Variants in ARPC2 observed in about 807,000 individuals in gnomAD.
ARPC2 encodes actin-related protein 2/3 complex subunit 2.
Under a neutral mutation model 38.6 loss-of-function variants are expected in ARPC2, and 4 were observed. That is an observed-to-expected ratio of 0.10 (90% confidence interval 0.05 to 0.24). The LOEUF (loss-of-function observed/expected upper bound fraction) is 0.24. Among genes scored for constraint, ARPC2 ranks in the 10% least tolerant of loss-of-function variants. The pLI is 1.00. For synonymous variants in ARPC2, 125 were observed against 140.8 expected (o/e 0.89, Z 0.79); for missense variants, 229 against 387.3 (o/e 0.59, Z 3.43).
intron 10 of ARPC2, 124 bp from the exon 11 acceptor site, chr2:218,253,767 A>C: frequency 8.0e-7 from 1 of 1,251,764 alleles, no homozygotes; most frequent in South Asian, 1.6e-5. Context: ...GCCTCTGCTT[A>C]AGGAATCTAG....
chr2:218,227,588 G>A lies in ARPC2; in HGVS notation c.110-1150G>A, dbSNP rs201556113. On this transcript the variant is annotated intron_variant, in intron 3 of 10. Transcript: ENST00000315717. ...ACTACAGATCTCCACCACCACACCC[G>A]GCTAATTTTTTTTTTTTTTCCAGAC... 3.3e-5 allele frequency among the ~76,000 whole-genome samples: 5 copies of A among 150,424 alleles called. No individual in the cohort carries two copies. In the East Asian group the frequency reaches 7.8e-4, roughly 23 times the overall value.
At chr2:218,250,018 A>T in intron 10 of ARPC2, 97 bp downstream of exon 10, 1 of 1,067,796 alleles carries the variant, frequency 9.4e-7, no homozygotes, top group Non-Finnish European at 1.4e-6. Flanking sequence ...GTATCTGGGC[A>T]CTGGCTACAT....
chr2:218,239,495 G>C lies in ARPC2; in HGVS notation c.549+11G>C. On this transcript the variant is annotated intron_variant, in intron 7 of 10. Coordinates refer to ENST00000315717, the MANE Select transcript of ARPC2 (RefSeq NM_152862.3). ...AAGGTGTTCATGCAGGTATGGAGCA[G>C]ACATCTTGGGGGAAACCCATGCATG... The C allele has an allele frequency of 6.2e-7, 1 of 1,607,826 alleles. No individual in the cohort carries two copies. Among genetic ancestry groups the C allele is most frequent in the South Asian group, 1.1e-5 (1 of 90,940 alleles).
chr2:218,225,273 G>C (rs948825322), intron 2 of ARPC2, among the ~76,000 whole-genome samples: 2 of 152,158 alleles, frequency 1.3e-5, no homozygotes, highest in Admixed American at 6.5e-5. Context: ...TGATTTCATA[G>C]TGTTATTTTG....
chr2:218,245,279 G>C, intron 7 of ARPC2, 141 bp from the exon 8 acceptor site: 1 of 1,002,048 alleles, frequency 1.0e-6, no homozygotes, highest in Non-Finnish European at 1.5e-6. Flanking sequence ...TCATATTTCA[G>C]GTTTGGTGTA....
intron 2 of ARPC2, among the ~76,000 whole-genome samples, chr2:218,221,590 T>A (rs572210448): frequency 6.6e-6 from 1 of 152,360 alleles, no homozygotes; most frequent in Admixed American, 6.5e-5. Flanking sequence ...CCTTAAGAGC[T>A]GGGTCTATCA....
At chr2:218,229,065 C>A (rs761889854) in intron 4 of ARPC2, 19 of 397,510 alleles carry the variant, frequency 4.8e-5, no homozygotes, top group Non-Finnish European at 7.4e-5. Context: ...ACAAAAATAG[C>A]TTTAGTTCTC....
intron 5 of ARPC2, among the ~76,000 whole-genome samples, chr2:218,237,445 C>T (rs558861495): frequency 2.9e-4 from 44 of 152,198 alleles, no homozygotes; most frequent in African/African-American, 9.6e-4. Context: ...GTGATCCACC[C>T]ACCTTGGCCT....
At chr2:218,229,658 G>T (rs1175740999) in intron 4 of ARPC2, among the ~76,000 whole-genome samples, 3 of 152,162 alleles carry the variant, frequency 2.0e-5, no homozygotes, top group East Asian at 1.9e-4. Context: ...AATAAAAGAT[G>T]ATTTGTAAAG....
chr2:218,230,831 G>A (rs6756265), intron 4 of ARPC2, among the ~76,000 whole-genome samples: 60,139 of 151,636 alleles, frequency 0.4, 12,554 homozygotes, highest in Middle Eastern at 0.52. Flanking sequence ...CAGCCTGGAC[G>A]ACATAGTGAG....
chr2:218,239,931 A>C (rs2106154545), intron 7 of ARPC2, among the ~76,000 whole-genome samples: 1 of 151,236 alleles, frequency 6.6e-6, no homozygotes, highest in Admixed American at 6.6e-5. Context: ...GACAACTCCC[A>C]CAAAACTCAG....
At chr2:218,234,441 G>A in intron 5 of ARPC2, 44 bp downstream of exon 5, 1 of 1,452,298 alleles carries the variant, frequency 6.9e-7, no homozygotes, top group Non-Finnish European at 9.5e-7. Flanking sequence ...TGGGAAGAGA[G>A]GTGTCCTTTT....
intron 3 of ARPC2, among the ~76,000 whole-genome samples, chr2:218,228,206 C>T (rs973085287): frequency 6.6e-6 from 1 of 151,952 alleles, no homozygotes; most frequent in Non-Finnish European, 1.5e-5. Context: ...AGTTCGAGAC[C>T]AGCCTGGCCA....
rs1690252707 is a variant in ARPC2 at position 218,253,885 on chromosome 2, T to C, written c.879-6T>C. 1 of 1,613,920 alleles carries C rather than the reference T, an allele frequency of 6.2e-7. No individual in the cohort carries two copies. The highest frequency in any genetic ancestry group is 2.2e-5 in the East Asian group (1 of 44,880). On this transcript the variant is annotated splice_polypyrimidine_tract_variant and splice_region_variant and intron_variant, in intron 10 of 10. Transcript: ENST00000315717. ...CTGACCTTCGCACTTATCTCTCCTT[T>C]TGAAGGGGGAAGACGTTTTCATCCC...
intron 10 of ARPC2, among the ~76,000 whole-genome samples, chr2:218,250,767 A>C (rs1209628476): frequency 6.6e-6 from 1 of 152,170 alleles, no homozygotes; most frequent in Non-Finnish European, 1.5e-5. Context: ...ATCTTTGTGA[A>C]AGGTGCCAGA....
chr2:218,248,330 C>T (rs1238767130), intron 8 of ARPC2, among the ~76,000 whole-genome samples: 4 of 152,210 alleles, frequency 2.6e-5, no homozygotes, highest in East Asian at 3.8e-4. Flanking sequence ...TTCATTTCAA[C>T]GAAAACTTCA....
intron 7 of ARPC2, among the ~76,000 whole-genome samples, chr2:218,244,641 G>T (rs17653757): frequency 7.2e-5 from 11 of 152,176 alleles, no homozygotes; most frequent in Admixed American, 4.6e-4. Flanking sequence ...TACCTGCCTG[G>T]GTTTGTTGGA....
intron 8 of ARPC2, among the ~76,000 whole-genome samples, chr2:218,248,751 C>T (rs1429284057): frequency 2.0e-5 from 3 of 152,308 alleles, no homozygotes; most frequent in Admixed American, 6.5e-5. Flanking sequence ...CGTGAGCCAT[C>T]GCGCCCAGCC....
At chr2:218,249,722 A>G (rs1389534963) in intron 9 of ARPC2, 99 bp from the exon 10 acceptor site, 8 of 1,184,900 alleles carry the variant, frequency 6.8e-6, no homozygotes, top group South Asian at 1.4e-5. Flanking sequence ...CCCAGGGTGT[A>G]TGTTCCCAAC....
Sources: allele counts gnomAD v4.1 joint callset (sites outside exome capture counted in the v4.1 genomes callset), GRCh38; gene constraint gnomAD v4.1.1; transcripts MANE v1.5; gene names NCBI Gene and HGNC (gene_info 2026-07-23, HGNC 2026-07-21).